The following NCKAP5 variants were observed in gnomAD, a reference collection of about 807,000 sequenced individuals.
NCKAP5 encodes the protein NCK associated protein 5, also known as nck-associated protein 5.
NCKAP5 carries 92 observed loss-of-function variants against 167.0 expected under a neutral mutation model. That is an observed-to-expected ratio of 0.55 (90% CI 0.47 to 0.66). The LOEUF (loss-of-function observed/expected upper bound fraction) is 0.66. Ranked by LOEUF, NCKAP5 falls within the 30% of genes least tolerant of loss-of-function variation. NCKAP5 has a pLI of 0.00. For missense variants in NCKAP5, 2,378 were observed against 2,315.0 expected, an observed-to-expected ratio of 1.03 and a Z score of -0.56; for synonymous variants, 891 against 877.4, an observed-to-expected ratio of 1.02 and a Z score of -0.27.
In NCKAP5 at chr2:133,452,293, C is replaced by G. The variant is rs148419351; in HGVS notation, c.69+65165G>C. Among the ~76,000 whole-genome samples the G allele has an allele frequency of 2.5e-3, 378 of 152,204 alleles. 2 individuals carry two copies. Among genetic ancestry groups the G allele is most frequent in the African/African-American group, 8.6e-3 (358 of 41,538 alleles). On this transcript the variant is annotated intron_variant, in intron 3 of 19. Transcript: ENST00000409261. ...TGAAGGACCAAAGCATTAAATGCAG[C>G]CAACTAGGAGAGGCTCCTTGCTTGG...
intron 5 of NCKAP5, among the ~76,000 whole-genome samples, chr2:133,155,776 A>G (rs1574211056): frequency 6.6e-6 from 1 of 152,228 alleles, no homozygotes; most frequent in Non-Finnish European, 1.5e-5. Context: ...GAATTCTGCC[A>G]CAGACTATCT....
intron 5 of NCKAP5, among the ~76,000 whole-genome samples, chr2:133,169,346 T>C (rs1475901415): frequency 2.0e-5 from 3 of 152,200 alleles, no homozygotes; most frequent in Non-Finnish European, 2.9e-5. Context: ...TGGAAATCTT[T>C]TCTTTCCCAA....
At chr2:132,741,806 T>C (rs538076432) in intron 16 of NCKAP5, among the ~76,000 whole-genome samples, 4 of 152,228 alleles carry the variant, frequency 2.6e-5, no homozygotes, top group African/African-American at 9.6e-5. Flanking sequence ...TTTCGCACTG[T>C]TATCCTTGCC....
intron 11 of NCKAP5, among the ~76,000 whole-genome samples, chr2:132,827,400 G>C (rs904226306): frequency 6.6e-6 from 1 of 151,924 alleles, no homozygotes; most frequent in Non-Finnish European, 1.5e-5. Flanking sequence ...ACTTTTAATT[G>C]TATTTTTTAG....
chr2:133,399,795 G>C (rs1687984328), intron 3 of NCKAP5, among the ~76,000 whole-genome samples: 1 of 152,068 alleles, frequency 6.6e-6, no homozygotes, highest in South Asian at 2.1e-4. Flanking sequence ...TGAAAAAGTA[G>C]GGGGTACTTA....
chr2:132,767,820 C>G (rs1681649257), intron 16 of NCKAP5, among the ~76,000 whole-genome samples: 2 of 152,252 alleles, frequency 1.3e-5, no homozygotes, highest in Admixed American at 1.3e-4. Context: ...GGAGAGCCCC[C>G]TCCGGGGAAG....
Position 133,011,919 on chromosome 2 carries a change from G to T in NCKAP5, c.342-17680C>A, listed in dbSNP as rs558061147. On this transcript the variant is annotated intron_variant, in intron 6 of 19. Coordinates refer to ENST00000409261, the MANE Select transcript of NCKAP5 (RefSeq NM_207363.3). ...AATATTTACAGATGCGGAGGCCCCT[G>T]AGCCCTCTTTTGCATGGCTATTGCT... Among the ~76,000 whole-genome samples, 207 of 152,248 alleles carry T rather than the reference G, an allele frequency of 1.4e-3. 1 individual carries two copies. The highest frequency in any genetic ancestry group is 4.5e-3 in the African/African-American group (188 of 41,554).
At chr2:132,963,977 G>C (rs144499730) in intron 7 of NCKAP5, 108 bp from the exon 8 acceptor site, 3 of 1,264,378 alleles carry the variant, frequency 2.4e-6, no homozygotes, top group South Asian at 2.6e-5. Context: ...TTCTTCCGGG[G>C]CTGGGAGTTT....
chr2:133,137,697 C>T (rs983465782), intron 5 of NCKAP5, among the ~76,000 whole-genome samples: 5 of 152,056 alleles, frequency 3.3e-5, no homozygotes, highest in African/African-American at 1.2e-4. Context: ...GAGATGTGAA[C>T]TTGATGAAAG....
rs142341773 is a variant in NCKAP5 at position 133,330,297 on chromosome 2, C to T, written c.70-27187G>A. Among the ~76,000 whole-genome samples, 433 of 123,498 alleles carry T rather than the reference C, an allele frequency of 3.5e-3. 5 individuals are homozygous for T. The highest frequency in any genetic ancestry group is 0.014 in the Middle Eastern group (2 of 146). The allele number at this position is 123,498 out of a possible 152,430, so 81.0% of individuals were successfully genotyped here. ...ATGGGGTTTCACCATGTGTCACAGGCTGGTCTCAATCCCCTGGGCTCAAGT... is the reference window on the plus strand; with the variant it reads ...ATGGGGTTTCACCATGTGTCACAGGTTGGTCTCAATCCCCTGGGCTCAAGT... On this transcript the variant is annotated intron_variant, in intron 3 of 19. Transcript: ENST00000409261.
chr2:133,426,134 G>A (rs1689780625), intron 3 of NCKAP5, among the ~76,000 whole-genome samples: 1 of 152,086 alleles, frequency 6.6e-6, no homozygotes, highest in Admixed American at 6.6e-5. Context: ...GCTGGACGTG[G>A]TGGTGCGTGC....
intron 19 of NCKAP5, among the ~76,000 whole-genome samples, chr2:132,687,988 G>A (rs1030128381): frequency 6.6e-6 from 1 of 152,164 alleles, no homozygotes; most frequent in African/African-American, 2.4e-5. Flanking sequence ...AGTCACTTGG[G>A]AATGGCAATC....
At chr2:133,573,799 G>A in the NCKAP5 span, among the ~76,000 whole-genome samples, 3 of 152,180 alleles carry the variant, frequency 2.0e-5, no homozygotes, top group Non-Finnish European at 2.9e-5. Context: ...GTCGGGAGCC[G>A]TAATCTTCTC....
At chr2:133,345,402 TACTAAC>T in intron 3 of NCKAP5, among the ~76,000 whole-genome samples, 1 of 152,328 alleles carries the variant, frequency 6.6e-6, no homozygotes, top group East Asian at 1.9e-4. Flanking sequence ...TGTTAATACT[TACTAAC>T]AAACTAATAG....
intron 11 of NCKAP5, among the ~76,000 whole-genome samples, chr2:132,836,872 T>C (rs189358127): frequency 1.2e-4 from 18 of 152,314 alleles, no homozygotes; most frequent in Non-Finnish European, 2.1e-4. Context: ...TTTGCTGCTT[T>C]CTTGTATCAA....
rs550136467 is a variant in NCKAP5 at position 133,397,594 on chromosome 2, A to G, written c.70-94484T>C. Among the ~76,000 whole-genome samples the G allele has an allele frequency of 2.0e-5, 3 of 152,292 alleles. No homozygotes were observed. In the East Asian group the frequency reaches 5.8e-4, roughly 29 times the overall value. ...AAACCTCCTTGCAGAAAAGACACAG[A>G]TGTGTTTTGCGGATTAAGCAATAAA... On this transcript the variant is annotated intron_variant, in intron 3 of 19. Transcript: ENST00000409261.
chr2:133,626,701 G>A, the NCKAP5 span, among the ~76,000 whole-genome samples: 1 of 152,022 alleles, frequency 6.6e-6, no homozygotes, highest in Non-Finnish European at 1.5e-5. Flanking sequence ...ATGATATAAT[G>A]TCTGGGCTTT....
chr2:132,874,562 A>T (rs545483923), intron 9 of NCKAP5, among the ~76,000 whole-genome samples: 2 of 152,254 alleles, frequency 1.3e-5, no homozygotes, highest in South Asian at 4.1e-4. Flanking sequence ...CCCTTACTTA[A>T]AATTCTATTT....
chr2:133,550,547 AC>A (rs1231323698), intron 2 of NCKAP5, among the ~76,000 whole-genome samples: 3 of 129,592 alleles, frequency 2.3e-5, no homozygotes, highest in African/African-American at 5.7e-5. Context: ...AAATTCAACA[AC>A]CCTTCATGCT....
Sources: gnomAD v4.1 joint callset for allele counts (sites outside exome capture counted in the v4.1 genomes callset) on GRCh38, gnomAD v4.1.1 for gene constraint, MANE v1.5 for transcripts, NCBI Gene and HGNC (gene_info 2026-07-23, HGNC 2026-07-21) for gene names.